The following NALCN variants were observed in gnomAD, a reference collection of about 807,000 sequenced individuals.
NALCN encodes sodium leak channel NALCN.
Under a neutral mutation model 225.3 loss-of-function variants are expected in NALCN, and 111 were observed. The ratio of observed to expected loss-of-function variants is 0.49; its 90% CI spans 0.42 to 0.58. The LOEUF (loss-of-function observed/expected upper bound fraction) is 0.58, where lower values mean the gene tolerates loss of function less well. Ranked by LOEUF, NALCN falls within the 20% of genes least tolerant of loss-of-function variation. The pLI is 0.00. For missense variants in NALCN, 1,378 were observed against 2,202.4 expected (o/e 0.63, Z 7.49); for synonymous variants, 764 against 769.0 (o/e 0.99, Z 0.11).
intron 11 of NALCN, among the ~76,000 whole-genome samples, chr13:101,239,733 C>T (rs2041690308): frequency 6.6e-6 from 1 of 152,060 alleles, no homozygotes; most frequent in African/African-American, 2.4e-5. Flanking sequence ...TTGAGGCTTT[C>T]ATATCTATAA....
At chr13:101,075,297 AT>A (rs1290811927) in intron 35 of NALCN, among the ~76,000 whole-genome samples, 3 of 152,086 alleles carry the variant, frequency 2.0e-5, no homozygotes, top group Admixed American at 6.5e-5. Flanking sequence ...TCTACTAAAA[AT>A]ACAAAAATTA....
intron 15 of NALCN, among the ~76,000 whole-genome samples, chr13:101,173,707 A>G (rs1367404378): frequency 6.6e-6 from 1 of 152,178 alleles, no homozygotes; most frequent in Non-Finnish European, 1.5e-5. Flanking sequence ...TTGAAACATT[A>G]AGAAAATCAA....
chr13:101,330,913 C>T (rs2045144069), intron 7 of NALCN, among the ~76,000 whole-genome samples: 1 of 152,206 alleles, frequency 6.6e-6, no homozygotes, highest in Admixed American at 6.5e-5. Context: ...TACTTCTTCA[C>T]CTTGTGCCAT....
chr13:101,356,006 A>G (rs951348231), intron 6 of NALCN, among the ~76,000 whole-genome samples: 1 of 152,206 alleles, frequency 6.6e-6, no homozygotes, highest in African/African-American at 2.4e-5. Flanking sequence ...ACCAATGAGA[A>G]CAAAGAGACA....
chr13:101,380,911 A>ACAAAGTAT (rs2046832311), intron 3 of NALCN, among the ~76,000 whole-genome samples: 1 of 151,250 alleles, frequency 6.6e-6, no homozygotes, highest in African/African-American at 2.4e-5. Flanking sequence ...ACCACCACCA[A>ACAAAGTAT]CAACCAAAAG....
At chr13:101,226,362 T>G (rs1457248323) in intron 13 of NALCN, among the ~76,000 whole-genome samples, 1 of 152,160 alleles carries the variant, frequency 6.6e-6, no homozygotes, top group Non-Finnish European at 1.5e-5. Context: ...ACCCTTAGTC[T>G]GTAAGAGAGA....
intron 6 of NALCN, among the ~76,000 whole-genome samples, chr13:101,376,284 G>T (rs1020766256): frequency 1.1e-3 from 162 of 152,150 alleles, no homozygotes; most frequent in African/African-American, 3.8e-3. Context: ...CTTTGCATTT[G>T]CTTAATCTAC....
In NALCN at chr13:101,258,154, T is replaced by A. The variant is rs567441688; in HGVS notation, c.1266+289A>T. ...TAATGTACGCTGAGAAAGGGAGAGA[T>A]AATAAGAGGTGGATAGGAAAACAGC... On this transcript the variant is annotated intron_variant, in intron 11 of 43. Coordinates refer to ENST00000251127, the MANE Select transcript of NALCN (RefSeq NM_052867.4). 9.7e-4 allele frequency among the ~76,000 whole-genome samples: 147 copies of A among 152,004 alleles called. 1 individual carries two copies. Among genetic ancestry groups the A allele is most frequent in the Middle Eastern group, 6.8e-3 (2 of 294 alleles).
In NALCN at chr13:101,104,309, T is replaced by C. The variant is rs1004339759; in HGVS notation, c.2875A>G (p.Ile959Val). ...CAAAGACTTACAAGATATATAAATATGTCCATTACTCCACCGAAGTCCCTG... is the reference window on the plus strand; with the variant it reads ...CAAAGACTTACAAGATATATAAATACGTCCATTACTCCACCGAAGTCCCTG... ...VIRDFGGVMD[I>V]FIYLVSLIFL... The change falls in exon 25 of 44, where the codon ATA becomes GTA. Residue 959 changes from isoleucine (I) to valine (V), a missense_variant. This residue lies in a region of NALCN where 292 missense variants were observed against 409.5 expected (regional missense o/e 0.71). Coordinates refer to ENST00000251127, the MANE Select transcript of NALCN (RefSeq NM_052867.4). The surrounding 1 kb of genome is among the most constrained non-coding windows in gnomAD (Gnocchi z 4.2). The C allele has an allele frequency of 1.9e-6, 3 of 1,604,128 alleles. No homozygotes were observed. Among genetic ancestry groups the C allele is most frequent in the African/African-American group, 2.7e-5 (2 of 74,132 alleles).
intron 7 of NALCN, among the ~76,000 whole-genome samples, chr13:101,331,624 G>A (rs1227494155): frequency 6.6e-6 from 1 of 152,102 alleles, no homozygotes; most frequent in Non-Finnish European, 1.5e-5. Flanking sequence ...TGCACCTTGA[G>A]TTTCCGTTGT....
chr13:101,345,072 T>A (rs1006442017), intron 7 of NALCN, among the ~76,000 whole-genome samples, 194 bp downstream of exon 7: 1 of 152,196 alleles, frequency 6.6e-6, no homozygotes, highest in Admixed American at 6.6e-5. Flanking sequence ...GCTGCCCATA[T>A]ACATACACAG....
intron 28 of NALCN, among the ~76,000 whole-genome samples, chr13:101,095,244 G>T (rs779894256): frequency 2.6e-5 from 4 of 152,104 alleles, no homozygotes; most frequent in African/African-American, 9.7e-5. Context: ...CTCAGGATAA[G>T]TTTAGTTTTA....
intron 10 of NALCN, among the ~76,000 whole-genome samples, chr13:101,275,901 T>C (rs2042954047): frequency 6.6e-6 from 1 of 151,116 alleles, no homozygotes; most frequent in African/African-American, 2.4e-5. Context: ...CCGTCTCTAC[T>C]AAAATACAAA....
At chr13:101,070,482 C>CTATT (rs1236231764) in intron 37 of NALCN, among the ~76,000 whole-genome samples, 3 of 152,168 alleles carry the variant, frequency 2.0e-5, no homozygotes, top group Non-Finnish European at 4.4e-5. Context: ...CTTATGAAAT[C>CTATT]TATTTCTGAA....
intron 28 of NALCN, among the ~76,000 whole-genome samples, chr13:101,093,863 A>G (rs2034364343): frequency 6.6e-6 from 1 of 152,174 alleles, no homozygotes. Context: ...GTTTGAGGAA[A>G]GGAAGAAAAG....
chr13:101,338,230 T>A (rs2045445842), intron 7 of NALCN, among the ~76,000 whole-genome samples: 1 of 152,270 alleles, frequency 6.6e-6, no homozygotes, highest in South Asian at 2.1e-4. Context: ...ATATGTTGTA[T>A]GTCTTTTCTA....
chr13:101,068,303 AGTT>A (rs1213861490), intron 38 of NALCN, among the ~76,000 whole-genome samples: 1 of 152,160 alleles, frequency 6.6e-6, no homozygotes, highest in African/African-American at 2.4e-5. Context: ...TTTAACTCTT[AGTT>A]GAGAGTTCCA....
Position 101,089,952 on chromosome 13 carries a change from T to A in NALCN, c.3284A>T (p.Asn1095Ile). ...GTTTCCCACATTGTCGAAATTAAAGTTCCGAGGATTCGCCCTGCGATTCCA... is the reference window on the plus strand; with the variant it reads ...GTTTCCCACATTGTCGAAATTAAAGATCCGAGGATTCGCCCTGCGATTCCA... ...WVPRVWANPRNFNFDNVGNAM... is the reference protein window; with the variant it reads ...WVPRVWANPRIFNFDNVGNAM... Residue 1095 changes from asparagine to isoleucine, a missense_variant, in exon 29 of 44, where the codon AAC becomes ATC. Physicochemically the swap from Asn to Ile is moderately radical, Grantham distance 149. This residue lies in a region of NALCN where 292 missense variants were observed against 409.5 expected (regional missense o/e 0.71). Coordinates refer to ENST00000251127, the MANE Select transcript of NALCN (RefSeq NM_052867.4). The surrounding 1 kb of genome is among the most constrained non-coding windows in gnomAD (Gnocchi z 4.7). 1 of 1,613,904 alleles carries A rather than the reference T, an allele frequency of 6.2e-7. No homozygotes were observed. The highest frequency in any genetic ancestry group is 8.5e-7 in the Non-Finnish European group (1 of 1,179,858).
intron 27 of NALCN, among the ~76,000 whole-genome samples, chr13:101,100,577 T>C (rs1268572996): frequency 6.6e-6 from 1 of 152,162 alleles, no homozygotes; most frequent in Non-Finnish European, 1.5e-5. Flanking sequence ...AACACCTTAT[T>C]ATTATTTTGT....
Sources: allele counts gnomAD v4.1 joint callset (sites outside exome capture counted in the v4.1 genomes callset), GRCh38; gene constraint gnomAD v4.1.1; regional missense constraint gnomAD v4.1.1; non-coding constraint Gnocchi (gnomAD v3.1); transcripts MANE v1.5; gene names NCBI Gene and HGNC (gene_info 2026-07-23, HGNC 2026-07-21).